TRPC4: variants seen among roughly 807,000 people sequenced by gnomAD.
TRPC4 encodes short transient receptor potential channel 4.
In TRPC4, 49 loss-of-function variants were observed where a neutral mutation model predicts 99.4. The observed-to-expected ratio is 0.49, with a 90% CI of 0.39 to 0.63. TRPC4 has a LOEUF of 0.63. TRPC4 is among the 20% of genes least tolerant of loss of function. The pLI, the probability that TRPC4 is intolerant of heterozygous loss-of-function variation, is 0.00. For synonymous variants in TRPC4, 454 were observed against 425.9 expected (o/e 1.07, Z -0.81); for missense variants, 898 against 1,152.9 (o/e 0.78, Z 3.20).
At chr13:37,769,098 G>T (rs74047166) in intron 2 of TRPC4, among the ~76,000 whole-genome samples, 1 of 151,400 alleles carries the variant, frequency 6.6e-6, no homozygotes, top group South Asian at 2.1e-4. Context: ...TTTATTGATA[G>T]CATTTTAACG....
rs1206160772 is a variant in TRPC4 at position 37,637,548 on chromosome 13, T to C, written c.2289A>G (p.Gln763=). 3.7e-6 allele frequency: 6 copies of C among 1,613,452 alleles called. No individual in the cohort carries two copies. The South Asian group carries it at 4.4e-5, about 12-fold the overall frequency. The stretch of plus-strand genomic sequence containing the variant: ...AAGACTCCTTCGAGGCATTCGCAGA[T>C]TGTATTGTGGAAAGTTTGCTTCCTC... The part of the protein sequence containing the change: ...LLRGSKLSTI[Q]SANASKESSN... Residue 763 remains glutamine (Q), a synonymous_variant, in exon 11 of 11, where the codon CAA becomes CAG. Transcript: ENST00000379705.
At chr13:37,683,351 A>C (rs1212827909) in intron 4 of TRPC4, among the ~76,000 whole-genome samples, 1 of 152,022 alleles carries the variant, frequency 6.6e-6, no homozygotes, top group Non-Finnish European at 1.5e-5. Flanking sequence ...TCTGTCTTTT[A>C]ATGTGGTAAG....
chr13:37,661,145 T>C (rs1952423198), intron 6 of TRPC4, among the ~76,000 whole-genome samples: 1 of 152,204 alleles, frequency 6.6e-6, no homozygotes. Flanking sequence ...TATGTTGCTT[T>C]TCATGACAAT....
At chr13:37,640,348 T>C (rs1190119994) in intron 8 of TRPC4, among the ~76,000 whole-genome samples, 1 of 152,036 alleles carries the variant, frequency 6.6e-6, no homozygotes, top group Non-Finnish European at 1.5e-5. Flanking sequence ...GAAATGATAA[T>C]TTAAATATTA....
At chr13:37,837,182 G>T (rs1327241913) in intron 1 of TRPC4, among the ~76,000 whole-genome samples, 1 of 152,252 alleles carries the variant, frequency 6.6e-6, no homozygotes, top group Non-Finnish European at 1.5e-5. Context: ...TACAGGGGCA[G>T]GGCCCTCATA....
At chr13:37,847,125 A>C (rs1314917030) in intron 1 of TRPC4, among the ~76,000 whole-genome samples, 1 of 152,076 alleles carries the variant, frequency 6.6e-6, no homozygotes, top group South Asian at 2.1e-4. Context: ...ACTTTTAAAA[A>C]TAGAGCATCT....
intron 2 of TRPC4, among the ~76,000 whole-genome samples, chr13:37,770,460 T>C (rs1956519491): frequency 6.6e-6 from 1 of 151,610 alleles, no homozygotes; most frequent in Non-Finnish European, 1.5e-5. Flanking sequence ...TAGAACATGA[T>C]ACAGTAAAGA....
intron 5 of TRPC4, among the ~76,000 whole-genome samples, chr13:37,673,414 G>C (rs1340210907): frequency 6.6e-6 from 1 of 151,640 alleles, no homozygotes; most frequent in Non-Finnish European, 1.5e-5. Flanking sequence ...GAATTTTCTA[G>C]TTCAGATTAT....
chr13:37,763,980 A>G (rs1314259045), intron 2 of TRPC4, among the ~76,000 whole-genome samples: 1 of 151,706 alleles, frequency 6.6e-6, no homozygotes, highest in Admixed American at 6.6e-5. Context: ...TAATTCTAGC[A>G]TTGTCCAGGT....
chr13:37,664,229 G>C (rs572349121), intron 5 of TRPC4, among the ~76,000 whole-genome samples: 1 of 152,056 alleles, frequency 6.6e-6, no homozygotes, highest in Non-Finnish European at 1.5e-5. Flanking sequence ...CATATAAAAA[G>C]CAAAATAAAA....
intron 1 of TRPC4, among the ~76,000 whole-genome samples, chr13:37,856,805 C>A (rs1350465307): frequency 6.6e-6 from 1 of 151,598 alleles, no homozygotes; most frequent in Non-Finnish European, 1.5e-5. Flanking sequence ...CATATGATCA[C>A]TTCAATTGAT....
At chr13:37,688,497 G>A (rs1402071233) in intron 4 of TRPC4, among the ~76,000 whole-genome samples, 1 of 152,098 alleles carries the variant, frequency 6.6e-6, no homozygotes, top group Non-Finnish European at 1.5e-5. Context: ...TGAAAGGTTA[G>A]GCTTTAAAGT....
At chr13:37,821,237 C>T (rs1566196418) in intron 1 of TRPC4, among the ~76,000 whole-genome samples, 2 of 144,234 alleles carry the variant, frequency 1.4e-5, no homozygotes, top group African/African-American at 2.6e-5. Flanking sequence ...CACACAAATA[C>T]CTAGGAATAC....
chr13:37,734,014 A>G (rs1391389746), intron 3 of TRPC4, among the ~76,000 whole-genome samples: 2 of 152,136 alleles, frequency 1.3e-5, no homozygotes, highest in African/African-American at 4.8e-5. Context: ...AGCCATTCAC[A>G]CTTGCCCAGC....
In TRPC4 at chr13:37,636,785, G is replaced by C; in HGVS notation, c.*118C>G. 8.0e-7 allele frequency: 1 copy of C among 1,248,698 alleles called. No individual in the cohort carries two copies. Among genetic ancestry groups the C allele is most frequent in the Non-Finnish European group, 1.1e-6 (1 of 927,614 alleles). The allele number at this position is 1,248,698 out of a possible 1,614,324, so 77.4% of individuals were successfully genotyped here. ...AACATGTTACAGGTAATATGCCACA[G>C]CTGATAAACGCTATAAAGTGTAAGT... is the stretch of plus-strand genomic sequence containing the variant. On this transcript the variant is annotated 3_prime_UTR_variant, in exon 11 of 11. Coordinates refer to ENST00000379705, the MANE Select transcript of TRPC4 (RefSeq NM_016179.4).
intron 2 of TRPC4, among the ~76,000 whole-genome samples, chr13:37,765,113 A>G (rs1956329815): frequency 6.6e-6 from 1 of 151,342 alleles, no homozygotes; most frequent in Non-Finnish European, 1.5e-5. Context: ...GATCTATCAT[A>G]TTCATTTCAA....
At chr13:37,807,843 T>C (rs1957567741) in intron 1 of TRPC4, among the ~76,000 whole-genome samples, 1 of 152,106 alleles carries the variant, frequency 6.6e-6, no homozygotes, top group African/African-American at 2.4e-5. Context: ...TCTGTAGTCA[T>C]ATTTTGAGAT....
intron 1 of TRPC4, among the ~76,000 whole-genome samples, chr13:37,866,011 C>A (rs1002873042): frequency 6.6e-6 from 1 of 151,588 alleles, no homozygotes; most frequent in Non-Finnish European, 1.5e-5. Context: ...CACAATAGGT[C>A]CTGTTTCAGG....
intron 5 of TRPC4, among the ~76,000 whole-genome samples, chr13:37,672,947 AT>A (rs995917145): frequency 2.6e-5 from 4 of 151,938 alleles, no homozygotes; most frequent in African/African-American, 9.7e-5. Context: ...ACTTCAGACA[AT>A]TTTTTTTATT....
Sources: gnomAD v4.1 joint callset for allele counts (sites outside exome capture counted in the v4.1 genomes callset) on GRCh38, gnomAD v4.1.1 for gene constraint, MANE v1.5 for transcripts, NCBI Gene and HGNC (gene_info 2026-07-23, HGNC 2026-07-21) for gene names.